COL6A5: variants seen among roughly 807,000 people sequenced by gnomAD.
The protein encoded by COL6A5 is collagen alpha-5(VI) chain.
COL6A5 carries 48 observed loss-of-function variants against 65.6 expected under a neutral mutation model. The ratio of observed to expected loss-of-function variants is 0.73; its 90% CI spans 0.58 to 0.93. The LOEUF is 0.93. Among genes scored for constraint, COL6A5 ranks in the 40% least tolerant of loss-of-function variants. The pLI is 0.00. For synonymous variants in COL6A5, 291 were observed against 322.8 expected (o/e 0.90, Z 1.05); for missense variants, 914 against 928.3 (o/e 0.98, Z 0.20).
chr3:130,362,312 ATATATATATATATATTTTTTTTT>A (rs776952000), intron 1 of COL6A5, among the ~76,000 whole-genome samples: 1,905 of 13,832 alleles, frequency 0.14, 69 homozygotes, highest in East Asian at 0.29. Context: ...ATATATATAT[ATATATATATATATATTTTTTTTT>A]TTTTTTTTTT....
At position 130,401,045 on chromosome 3, in the gene COL6A5, C is replaced by A. The variant is rs961537782; in HGVS notation, c.4006C>A (p.Leu1336Met). The change falls in exon 11 of 42, where the codon CTG (leucine) becomes ATG (methionine). Residue 1336 changes from leucine (L) to methionine (M), a missense_variant and NMD_transcript_variant. Coordinates refer to the COL6A5 transcript ENST00000312481. ...TTACCACATAGGACTTGATGCTCTG[C>A]TGGTAGTGTCCCTTAACACAACTGC... is the stretch of plus-strand genomic sequence containing the variant. 1.9e-6 allele frequency: 3 copies of A among 1,547,048 alleles called. No homozygotes were observed. In the Admixed American group the frequency reaches 6.0e-5, roughly 31 times the overall value.
At chr3:130,373,802 C>A in intron 2 of COL6A5, 97 bp downstream of exon 2, 1 of 782,582 alleles carries the variant, frequency 1.3e-6, no homozygotes, top group South Asian at 1.7e-5. Context: ...TACTAAAAAT[C>A]AAAGTATGCA....
chr3:130,454,165 C>T (rs1203694019), intron 4 of COL6A5, among the ~76,000 whole-genome samples: 1 of 152,174 alleles, frequency 6.6e-6, no homozygotes, highest in Non-Finnish European at 1.5e-5. Context: ...CAGACAAACT[C>T]AGTGAGACAA....
In COL6A5 at chr3:130,439,610, G is replaced by C. The variant is rs893573521; in HGVS notation, c.578G>C (p.Cys193Ser). 11 of 1,549,738 alleles carry C rather than the reference G, an allele frequency of 7.1e-6. No homozygotes were observed. In the African/African-American group the frequency reaches 1.4e-4, roughly 19 times the overall value. ...GAAAGACTTCGGCGCTGTGCACTTT[G>C]CTATGGTAAGACCAATGAAGAGAAT... The change falls in exon 2 of 8, where the codon TGC becomes TCC. Residue 193 changes from cysteine (C) to serine (S), a missense_variant. By Grantham distance (112) the Cys-to-Ser change is moderately radical (BLOSUM62 -1). Coordinates refer to ENST00000512836, the Ensembl canonical transcript of COL6A5.
intron 5 of COL6A5, among the ~76,000 whole-genome samples, chr3:130,461,866 G>A (rs765636178): frequency 8.6e-4 from 131 of 151,940 alleles, no homozygotes; most frequent in Middle Eastern, 3.4e-3. Flanking sequence ...TCATTTGGGT[G>A]TAAATGACTC....
exon 1 of COL6A5, chr3:130,431,851 A>T (rs761446611): frequency 5.8e-6 from 9 of 1,551,526 alleles, no homozygotes; most frequent in African/African-American, 2.7e-5. Context: ...AACAGCCAGT[A>T]GGTCATCCAT....
rs746249938 is a variant in COL6A5, at chr3:130,468,974, G to GC, written c.1729dup (p.Thr578HisfsTer24). Reference sequence around the variant, plus strand: ...CTCAGTGCTTGATTACTTTCACATTGCCCCCACTCCACTGACCTCCACCTT... The same window carrying GC: ...CTCAGTGCTTGATTACTTTCACATTGCCCCCCACTCCACTGACCTCCACCTT... On this transcript the variant is annotated frameshift_variant, in exon 6 of 8. Coordinates refer to ENST00000512836, the Ensembl canonical transcript of COL6A5. LOFTEE classifies it high-confidence loss of function. The GC allele has an allele frequency of 6.2e-7, 1 of 1,612,604 alleles. No homozygotes were observed. Among genetic ancestry groups the GC allele is most frequent in the Non-Finnish European group, 8.5e-7 (1 of 1,179,264 alleles).
At chr3:130,384,657 T>C in intron 4 of COL6A5, 147 bp from the exon 5 acceptor site, 1 of 618,404 alleles carries the variant, frequency 1.6e-6, no homozygotes, top group Non-Finnish European at 2.7e-6. Context: ...AAAATGGGCA[T>C]GACTGTGCTT....
chr3:130,437,231 A>G (rs949365287), intron 1 of COL6A5, among the ~76,000 whole-genome samples: 2 of 152,166 alleles, frequency 1.3e-5, no homozygotes, highest in Non-Finnish European at 2.9e-5. Context: ...TAAAGTGTAC[A>G]TATGTGCAAT....
chr3:130,468,392 A>G (rs1275207919), intron 5 of COL6A5, among the ~76,000 whole-genome samples: 1 of 152,076 alleles, frequency 6.6e-6, no homozygotes, highest in Non-Finnish European at 1.5e-5. Flanking sequence ...TAACTTTAAT[A>G]TCTATACTTT....
chr3:130,372,086 A>G (rs763228456), intron 1 of COL6A5, among the ~76,000 whole-genome samples: 11 of 152,196 alleles, frequency 7.2e-5, no homozygotes, highest in Non-Finnish European at 1.3e-4. Context: ...CTGAAAAGAT[A>G]ACATCATTCA....
chr3:130,402,580 T>A (rs1362940773), intron 12 of COL6A5, among the ~76,000 whole-genome samples: 1 of 152,152 alleles, frequency 6.6e-6, no homozygotes, highest in African/African-American at 2.4e-5. Context: ...TAGGGAGGAA[T>A]ACTTAACGGT....
At chr3:130,358,793 TAC>T (rs2107618833) in intron 1 of COL6A5, among the ~76,000 whole-genome samples, 1 of 152,328 alleles carries the variant, frequency 6.6e-6, no homozygotes, top group South Asian at 2.1e-4. Context: ...ATTTTAGATA[TAC>T]ATTCGTTTTG....
intron 20 of COL6A5, 77 bp downstream of exon 20, chr3:130,410,601 C>A: frequency 2.4e-6 from 3 of 1,259,826 alleles, no homozygotes; most frequent in Non-Finnish European, 2.3e-6. Context: ...ATTTGTTGTG[C>A]ACAGTTGGCT....
Position 130,467,454 on chromosome 3 carries a change from G to T in COL6A5, c.1545-1341G>T, listed in dbSNP as rs144355934. On this transcript the variant is annotated intron_variant, in intron 5 of 7. Transcript: ENST00000512836. ...GTTCCCAACTCATTTTTTGAGGCCA[G>T]ATTACCCTGATACCAAAACTAGACG... 1.4e-4 allele frequency among the ~76,000 whole-genome samples: 22 copies of T among 152,074 alleles called. 1 individual carries two copies. The highest frequency in any genetic ancestry group is 4.1e-4 in the African/African-American group (17 of 41,536).
intron 5 of COL6A5, 99 bp from the exon 38 acceptor site, chr3:130,468,696 G>A: frequency 1.3e-6 from 1 of 771,918 alleles, no homozygotes; most frequent in Non-Finnish European, 2.1e-6. Context: ...TGGAAATGCA[G>A]CATGGTAATA....
At chr3:130,380,907 A>T (rs915765124) in intron 4 of COL6A5, among the ~76,000 whole-genome samples, 1 of 152,120 alleles carries the variant, frequency 6.6e-6, no homozygotes, top group Non-Finnish European at 1.5e-5. Context: ...CCACAGTGTC[A>T]GAGACCCTGT....
chr3:130,350,256 A>C (rs1380879173), intron 1 of COL6A5, among the ~76,000 whole-genome samples: 1 of 152,166 alleles, frequency 6.6e-6, no homozygotes, highest in African/African-American at 2.4e-5. Flanking sequence ...GCACAAGACA[A>C]GGATACCCTC....
exon 3 of COL6A5, chr3:130,440,283 T>G: frequency 1.9e-6 from 3 of 1,613,368 alleles, no homozygotes; most frequent in Non-Finnish European, 2.5e-6. Context: ...TTTAAGGCTG[T>G]GAAAGCCTTG....
Sources: gnomAD v4.1 joint callset for allele counts (sites outside exome capture counted in the v4.1 genomes callset) on GRCh38, gnomAD v4.1.1 for gene constraint, MANE v1.5 for transcripts, NCBI Gene and HGNC (gene_info 2026-07-23, HGNC 2026-07-21) for gene names.